The following PCM1 variants were observed in gnomAD, a reference collection of about 807,000 sequenced individuals.
PCM1 encodes pericentriolar material 1.
In PCM1, 157 loss-of-function variants were observed where a neutral mutation model predicts 241.9. The ratio of observed to expected loss-of-function variants is 0.65; its 90% CI spans 0.57 to 0.74. The LOEUF (loss-of-function observed/expected upper bound fraction) is 0.74. Among genes scored for constraint, PCM1 ranks in the 30% least tolerant of loss-of-function variants. The pLI, the probability that PCM1 is intolerant of heterozygous loss-of-function variation, is 0.00. For synonymous variants in PCM1, 1,085 were observed against 784.9 expected, an observed-to-expected ratio of 1.38 and a Z score of -6.39; for missense variants, 3,478 against 2,360.1, an observed-to-expected ratio of 1.47 and a Z score of -9.81.
At chr8:17,930,050 C>T (rs949243872) in intron 2 of PCM1, among the ~76,000 whole-genome samples, 20 of 150,910 alleles carry the variant, frequency 1.3e-4, no homozygotes, top group Non-Finnish European at 2.2e-4. Flanking sequence ...AGCAGTTTTG[C>T]TTGAATTGGT....
At chr8:17,983,825 C>G (rs1198645668) in intron 24 of PCM1, among the ~76,000 whole-genome samples, 2 of 151,916 alleles carry the variant, frequency 1.3e-5, no homozygotes, top group East Asian at 3.9e-4. Flanking sequence ...TTTTTAACTC[C>G]TCTTGCAGCT....
At chr8:17,964,433 A>T in intron 17 of PCM1, 135 bp from the exon 18 acceptor site, 1 of 627,990 alleles carries the variant, frequency 1.6e-6, no homozygotes, top group Non-Finnish European at 2.7e-6. Flanking sequence ...CCCGTAGCAT[A>T]GTTATTGTGA....
At chr8:17,992,455 A>G (rs1302325479) in intron 28 of PCM1, among the ~76,000 whole-genome samples, 1 of 152,040 alleles carries the variant, frequency 6.6e-6, no homozygotes, top group Non-Finnish European at 1.5e-5. Flanking sequence ...CAGGAGTAGG[A>G]TGGTATCACA....
At position 17,963,249 on chromosome 8, in the gene PCM1, G is replaced by T. The variant is rs7009117; in HGVS notation, c.2612G>T (p.Gly871Val). 17,128 of 1,612,934 alleles carry T rather than the reference G, an allele frequency of 0.011. 1,553 individuals are homozygous for T. In the African/African-American group the frequency reaches 0.2, roughly 19 times the overall value. Residue 871 changes from glycine (G) to valine (V), a missense_variant, in exon 17 of 39, where the codon GGA becomes GTA. Physicochemically the swap from Gly to Val is moderately radical, Grantham distance 109 (BLOSUM62 -3). Transcript: ENST00000325083. ...GTGGCTGTGTCATTGAGAAGTGATG[G>T]ATCTGAGAACCTATGTACTCCTCAG... ...SPVAVSLRSD[G>V]SENLCTPQQS...
intron 8 of PCM1, among the ~76,000 whole-genome samples, chr8:17,951,129 C>G (rs961642252): frequency 6.6e-6 from 1 of 152,134 alleles, no homozygotes; most frequent in Non-Finnish European, 1.5e-5. Context: ...CCTTGGAATT[C>G]TCATTTGAAG....
At position 18,011,770 on chromosome 8, in the gene PCM1, C is replaced by T. The variant is rs535065751; in HGVS notation, c.5454C>T (p.Val1818=). ...AATTTGAAGAAGGCCCTGTGGATGT[C>T]CAGACTTCCCTCCAGGCTAACACTG... ...MEEFEEGPVD[V]QTSLQANTEA... The change falls in exon 34 of 39, where the codon GTC becomes GTT. Residue 1818 remains valine (V), a synonymous_variant. Coordinates refer to ENST00000325083, the MANE Select transcript of PCM1 (RefSeq NM_006197.4). 6.2e-7 allele frequency: 1 copy of T among 1,613,674 alleles called. No individual in the cohort carries two copies. Among genetic ancestry groups the T allele is most frequent in the Admixed American group, 1.7e-5 (1 of 59,988 alleles).
chr8:18,011,348 G>C lies in PCM1; in HGVS notation c.5332G>C (p.Gly1778Arg). The change falls in exon 33 of 39, where the codon GGA (glycine) becomes CGA (arginine). Residue 1778 changes from glycine (G) to arginine (R), a missense_variant. Transcript: ENST00000325083. ...TCAAGAGGAAGATGAAGAAAGTGAA[G>C]GATGTCCAGTGTCTATTAGTAAGTT... ...SDQEEDEESE[G>R]CPVSINLSKA... The C allele has an allele frequency of 6.3e-7, 1 of 1,598,226 alleles. No homozygotes were observed. The highest frequency in any genetic ancestry group is 1.7e-4 in the Middle Eastern group (1 of 5,972).
rs59924025 is a variant in PCM1, at chr8:17,969,489, C to T, written c.3413-88C>T. On this transcript the variant is annotated intron_variant, in intron 21 of 38. Coordinates refer to ENST00000325083, the MANE Select transcript of PCM1 (RefSeq NM_006197.4). The stretch of plus-strand genomic sequence containing the variant: ...TTTTTGTTTTGGTGGATTTGAATGA[C>T]ATGTTTAATTAAAACTGTCTTTTAA... 3,865 of 944,818 alleles carry T rather than the reference C, an allele frequency of 4.1e-3. 105 individuals carry two copies. In the African/African-American group the frequency reaches 0.058, roughly 14 times the overall value. The allele number at this position is 944,818 out of a possible 1,614,324, so 58.5% of individuals were successfully genotyped here. A position where few individuals can be genotyped will look rare whatever the true frequency, so the allele number is the denominator to read the frequency against.
At chr8:17,995,518 T>A (rs1054547765) in intron 29 of PCM1, among the ~76,000 whole-genome samples, 4 of 151,388 alleles carry the variant, frequency 2.6e-5, no homozygotes, top group Non-Finnish European at 5.9e-5. Context: ...TCCAGTTTTG[T>A]TCTTTTTGCT....
rs749839307 is a variant in PCM1, at chr8:17,972,417, A to C, written c.3673A>C (p.Lys1225Gln). 1 of 1,611,682 alleles carries C rather than the reference A, an allele frequency of 6.2e-7. No homozygotes were observed. The highest frequency in any genetic ancestry group is 8.5e-7 in the Non-Finnish European group (1 of 1,178,546). Residue 1225 changes from lysine to glutamine, a missense_variant, in exon 23 of 39, where the codon AAG becomes CAG. Lys to Gln is a moderately conservative substitution (Grantham distance 53). Transcript: ENST00000325083. ...QEGEVEKPFI[K>Q]TGFSVSVEKS... ...AGGTGAAGTAGAGAAACCATTTATC[A>C]AGACTGGATTTTCAGTGTCTGTAGA...
At position 17,962,133 on chromosome 8, in the gene PCM1, T is replaced by C; in HGVS notation, c.2422T>C (p.Ser808Pro). Residue 808 changes from serine to proline, a missense_variant, in exon 16 of 39, where the codon TCT becomes CCT. By Grantham distance (74) the Ser-to-Pro change is moderately conservative. Coordinates refer to ENST00000325083, the MANE Select transcript of PCM1 (RefSeq NM_006197.4). ...TCAACACGAGACCAGTACAAGCAAA[T>C]CTGTTTTTGAGCCTGAAGATTCTTC... The part of the protein sequence containing the change: ...VNQHETSTSK[S>P]VFEPEDSSIV... 1 of 1,609,822 alleles carries C rather than the reference T, an allele frequency of 6.2e-7. No individual in the cohort carries two copies. The highest frequency in any genetic ancestry group is 8.5e-7 in the Non-Finnish European group (1 of 1,177,472).
chr8:17,947,177 A>G lies in PCM1; in HGVS notation c.784-9A>G, dbSNP rs1453398974. 6.4e-7 allele frequency: 1 copy of G among 1,557,664 alleles called. No individual in the cohort carries two copies. The highest frequency in any genetic ancestry group is 8.7e-7 in the Non-Finnish European group (1 of 1,147,236). On this transcript the variant is annotated splice_polypyrimidine_tract_variant and intron_variant, in intron 6 of 38. Transcript: ENST00000325083. ...GTCAGATACAAGTATTGTTGGTCTT[A>G]TTTTCCAGGCCAGAGATCCTCAGCA...
At chr8:17,941,290 T>G (rs2061954223) in intron 6 of PCM1, among the ~76,000 whole-genome samples, 1 of 152,176 alleles carries the variant, frequency 6.6e-6, no homozygotes, top group Non-Finnish European at 1.5e-5. Context: ...TTTATTGTAA[T>G]TTATATAAAG....
Position 17,989,959 on chromosome 8 carries a change from C to T in PCM1, c.4511C>T (p.Pro1504Leu). ...CTGTCTGTATCATCAAATTTTGAGC[C>T]TTTTGCAACAGATGATCTAGGTAAG... ...SVLSVSSNFE[P>L]FATDDLGNTV... is the part of the protein sequence containing the mutation. Residue 1504 changes from proline to leucine, a missense_variant, in exon 27 of 39, where the codon CCT becomes CTT. Pro to Leu is a moderately conservative substitution (Grantham distance 98). Coordinates refer to ENST00000325083, the MANE Select transcript of PCM1 (RefSeq NM_006197.4). The T allele has an allele frequency of 6.5e-7, 1 of 1,534,400 alleles. No individual in the cohort carries two copies. Among genetic ancestry groups the T allele is most frequent in the Non-Finnish European group, 8.8e-7 (1 of 1,138,924 alleles).
intron 34 of PCM1, 75 bp from the exon 35 acceptor site, chr8:18,013,889 T>G (rs1031165342): frequency 2.5e-5 from 21 of 836,122 alleles, no homozygotes; most frequent in Non-Finnish European, 3.4e-5. Flanking sequence ...GGACAAAAAC[T>G]ACACACTAGT....
intron 29 of PCM1, among the ~76,000 whole-genome samples, chr8:18,000,549 G>C (rs900433900): frequency 6.6e-6 from 1 of 151,484 alleles, no homozygotes; most frequent in African/African-American, 2.4e-5. Context: ...GAGAAAACTG[G>C]CTAGGAGGAA....
intron 36 of PCM1, among the ~76,000 whole-genome samples, chr8:18,021,168 A>G (rs1331242170): frequency 6.6e-6 from 1 of 152,216 alleles, no homozygotes; most frequent in Non-Finnish European, 1.5e-5. Flanking sequence ...TTTCATGCTC[A>G]ACAAGGACTC....
At chr8:17,941,012 A>T (rs2061854834) in intron 6 of PCM1, among the ~76,000 whole-genome samples, 1 of 152,170 alleles carries the variant, frequency 6.6e-6, no homozygotes, top group Non-Finnish European at 1.5e-5. Context: ...TGACCTGCAT[A>T]ATTCTTACCT....
intron 29 of PCM1, among the ~76,000 whole-genome samples, chr8:17,999,536 T>C (rs1441667563): frequency 6.6e-6 from 1 of 152,042 alleles, no homozygotes; most frequent in Non-Finnish European, 1.5e-5. Context: ...GTATCCAAGA[T>C]ACAACACAAA....
Sources: gnomAD v4.1 joint callset for allele counts (sites outside exome capture counted in the v4.1 genomes callset) on GRCh38, gnomAD v4.1.1 for gene constraint, MANE v1.5 for transcripts, NCBI Gene and HGNC (gene_info 2026-07-23, HGNC 2026-07-21) for gene names.